Variants in RANBP2 observed in about 807,000 individuals in gnomAD.
RANBP2 encodes E3 SUMO-protein ligase RanBP2.
RANBP2 carries 57 observed loss-of-function variants against 303.6 expected under a neutral mutation model. That is an observed-to-expected ratio of 0.19 (90% CI 0.15 to 0.23). The LOEUF is 0.23. Ranked by LOEUF, RANBP2 falls within the 10% of genes least tolerant of loss-of-function variation. The probability of loss-of-function intolerance (pLI) is 1.00; values close to 1 mark genes in which losing one functional copy is unlikely to be tolerated. For synonymous variants in RANBP2, 1,167 were observed against 1,301.5 expected (o/e 0.90, Z 2.23); for missense variants, 3,138 against 3,780.8 (o/e 0.83, Z 4.46).
chr2:108,839,075 C>CTTTTG, the RANBP2 span: 2 of 1,187,348 alleles, frequency 1.7e-6, no homozygotes, highest in African/African-American at 3.1e-5. Flanking sequence ...TTGGAGAACT[C>CTTTTG]TTTTGTTTTG....
the RANBP2 span, among the ~76,000 whole-genome samples, chr2:109,146,273 G>A: frequency 2.0e-5 from 3 of 152,150 alleles, no homozygotes; most frequent in African/African-American, 4.8e-5. Context: ...CAGGCAAAGG[G>A]CATCAGTAAA....
At chr2:109,387,343 GT>G in the RANBP2 span, among the ~76,000 whole-genome samples, 4 of 152,114 alleles carry the variant, frequency 2.6e-5, no homozygotes, top group Non-Finnish European at 5.9e-5. Context: ...GAGCCCTCCG[GT>G]TCCCCATCTC....
the RANBP2 span, among the ~76,000 whole-genome samples, chr2:109,050,554 C>CT: frequency 6.6e-6 from 1 of 152,052 alleles, no homozygotes; most frequent in Non-Finnish European, 1.5e-5. Flanking sequence ...CATGTCCAGC[C>CT]TTTTTTACTT....
the RANBP2 span, among the ~76,000 whole-genome samples, chr2:109,258,240 C>T: frequency 0.46 from 69,457 of 151,492 alleles, 15,899 homozygotes; most frequent in African/African-American, 0.48. Context: ...GACAGCCTGG[C>T]GCTGTTTGTA....
the RANBP2 span, among the ~76,000 whole-genome samples, chr2:109,360,063 C>CAAAA: frequency 7.4e-6 from 1 of 135,154 alleles, no homozygotes; most frequent in African/African-American, 2.7e-5. Context: ...TTCCTTGCAC[C>CAAAA]AAAAAAAAAA....
intron 2 of RANBP2, among the ~76,000 whole-genome samples, chr2:108,729,546 A>G (rs1004449576): frequency 4.6e-5 from 7 of 152,230 alleles, no homozygotes; most frequent in African/African-American, 1.7e-4. Flanking sequence ...GAAAATAGCA[A>G]TGAATAAAAA....
chr2:108,997,300 ATG>A, the RANBP2 span, among the ~76,000 whole-genome samples: 1 of 151,660 alleles, frequency 6.6e-6, no homozygotes, highest in Non-Finnish European at 1.5e-5. Context: ...AATTAGCCAG[ATG>A]TGGCGGCGTG....
the RANBP2 span, among the ~76,000 whole-genome samples, chr2:109,297,633 C>T: frequency 6.7e-6 from 1 of 150,156 alleles, no homozygotes; most frequent in Non-Finnish European, 1.5e-5. Context: ...CCCAGGCCAG[C>T]CCCATCCCAC....
the RANBP2 span, among the ~76,000 whole-genome samples, chr2:109,595,163 A>C: frequency 6.6e-6 from 1 of 152,194 alleles, no homozygotes; most frequent in African/African-American, 2.4e-5. Context: ...CTGGGATTAC[A>C]GGCCTGAGCC....
the RANBP2 span, among the ~76,000 whole-genome samples, chr2:109,521,217 C>CAAA: frequency 0.065 from 7,492 of 115,216 alleles, 580 homozygotes; most frequent in East Asian, 0.27. Flanking sequence ...GACTCCGTCT[C>CAAA]AAAAAAAAAA....
the RANBP2 span, among the ~76,000 whole-genome samples, chr2:108,943,039 A>T: frequency 2.0e-5 from 3 of 152,354 alleles, no homozygotes; most frequent in South Asian, 2.1e-4. Flanking sequence ...GGCTATAAAT[A>T]ACCATTACAT....
chr2:109,365,457 G>A, the RANBP2 span, among the ~76,000 whole-genome samples: 362 of 152,306 alleles, frequency 2.4e-3, 2 homozygotes, highest in African/African-American at 8.4e-3. Flanking sequence ...AGTTTGCCCT[G>A]TGACCTCAGT....
At chr2:109,476,338 G>A in the RANBP2 span, among the ~76,000 whole-genome samples, 3 of 152,300 alleles carry the variant, frequency 2.0e-5, no homozygotes, top group East Asian at 5.8e-4. Flanking sequence ...TCAGTCCTTT[G>A]ACAACTGTGC....
the RANBP2 span, among the ~76,000 whole-genome samples, chr2:109,382,993 T>C: frequency 2.4e-4 from 36 of 152,282 alleles, no homozygotes; most frequent in African/African-American, 8.2e-4. Context: ...GACTTGAGAG[T>C]GTGTCTGAAC....
the RANBP2 span, among the ~76,000 whole-genome samples, chr2:109,267,230 G>A: frequency 6.6e-6 from 1 of 152,072 alleles, no homozygotes; most frequent in Non-Finnish European, 1.5e-5. Context: ...CTCTGAATAG[G>A]AAGTGCATGT....
At chr2:109,206,042 C>T in the RANBP2 span, among the ~76,000 whole-genome samples, 2 of 152,168 alleles carry the variant, frequency 1.3e-5, no homozygotes, top group South Asian at 2.1e-4. Flanking sequence ...GTCACTTGTA[C>T]CCTGAGATGC....
chr2:108,964,707 T>C, the RANBP2 span, among the ~76,000 whole-genome samples: 1 of 152,220 alleles, frequency 6.6e-6, no homozygotes, highest in Non-Finnish European at 1.5e-5. Flanking sequence ...ATCCCAGTGC[T>C]GGAATCCACA....
At chr2:109,027,803 C>T in the RANBP2 span, among the ~76,000 whole-genome samples, 13 of 152,202 alleles carry the variant, frequency 8.5e-5, no homozygotes, top group African/African-American at 2.7e-4. Flanking sequence ...CTGGCCTCCC[C>T]GCCATGCGTC....
At chr2:108,820,497 A>G in the RANBP2 span, among the ~76,000 whole-genome samples, 1 of 152,000 alleles carries the variant, frequency 6.6e-6, no homozygotes, top group Non-Finnish European at 1.5e-5. Context: ...AACTCAAGGA[A>G]CTCCAGAGAG....
Sources: allele counts gnomAD v4.1 joint callset (sites outside exome capture counted in the v4.1 genomes callset), GRCh38; gene constraint gnomAD v4.1.1; transcripts MANE v1.5; gene names NCBI Gene and HGNC (gene_info 2026-07-23, HGNC 2026-07-21).